The following EYA3 variants were observed in gnomAD, a reference collection of about 807,000 sequenced individuals.
EYA3 encodes the protein EYA transcriptional coactivator and phosphatase 3.
In EYA3, 39 loss-of-function variants were observed where a neutral mutation model predicts 80.0. The observed-to-expected ratio is 0.49, with a 90% CI of 0.38 to 0.64. The LOEUF is 0.64. Among genes scored for constraint, EYA3 ranks in the 30% least tolerant of loss-of-function variants. EYA3 has a pLI of 0.00. For synonymous variants in EYA3, 206 were observed against 232.8 expected (o/e 0.88, Z 1.05); for missense variants, 523 against 676.1 (o/e 0.77, Z 2.51).
chr1:27,980,725 G>A lies in EYA3; in HGVS notation c.1541-2251C>T, dbSNP rs12130736. 9.2e-3 allele frequency among the ~76,000 whole-genome samples: 1,401 copies of A among 152,308 alleles called. 10 individuals are homozygous for A. Among genetic ancestry groups the A allele is most frequent in the African/African-American group, 0.017 (702 of 41,572 alleles). On this transcript the variant is annotated intron_variant, in intron 16 of 17. Coordinates refer to ENST00000373871, the MANE Select transcript of EYA3 (RefSeq NM_001990.4). ...TCAGCCAAATCTTTGGAGAATATTA[G>A]TCCCTGGGTTTTCTCTATTAAAATA...
chr1:27,999,422 CTG>C (rs1281141685), intron 12 of EYA3, among the ~76,000 whole-genome samples: 2 of 152,124 alleles, frequency 1.3e-5, no homozygotes, highest in Non-Finnish European at 2.9e-5. Context: ...TTAGTGTTTC[CTG>C]GTTTTTCTGG....
In EYA3 at chr1:28,022,957, C is replaced by A. The variant is rs537977509; in HGVS notation, c.499+4832G>T. The stretch of plus-strand genomic sequence containing the variant: ...GAAGCCCAAATCTTGGTTTTGAATA[C>A]CATTTTTTCCAATAAAAGGAACCAG... On this transcript the variant is annotated intron_variant, in intron 7 of 17. Coordinates refer to ENST00000373871, the MANE Select transcript of EYA3 (RefSeq NM_001990.4). Among the ~76,000 whole-genome samples, 112 of 151,908 alleles carry A rather than the reference C, an allele frequency of 7.4e-4. 1 individual carries two copies. Among genetic ancestry groups the A allele is most frequent in the South Asian group, 5.0e-3 (24 of 4,796 alleles).
intron 11 of EYA3, among the ~76,000 whole-genome samples, chr1:28,003,203 C>T (rs7552786): frequency 0.93 from 140,750 of 151,712 alleles, 66,134 homozygotes; most frequent in East Asian, 1. Context: ...CCAGGAGGCA[C>T]AGCTTGCAGT....
intron 14 of EYA3, among the ~76,000 whole-genome samples, chr1:27,990,968 A>T (rs1640018573): frequency 6.6e-6 from 1 of 151,944 alleles, no homozygotes; most frequent in Non-Finnish European, 1.5e-5. Context: ...ATAAATTTTT[A>T]GAAAAATCTT....
At chr1:28,069,125 G>A (rs1644933622) in intron 1 of EYA3, among the ~76,000 whole-genome samples, 1 of 151,610 alleles carries the variant, frequency 6.6e-6, no homozygotes, top group Non-Finnish European at 1.5e-5. Context: ...TAATTAAACA[G>A]GTAATTTTAT....
chr1:28,068,665 C>T (rs1356252792), intron 1 of EYA3, among the ~76,000 whole-genome samples: 4 of 151,874 alleles, frequency 2.6e-5, no homozygotes, highest in Non-Finnish European at 4.4e-5. Context: ...CCCTGACATT[C>T]TTTTTATGCT....
At chr1:27,987,605 C>T (rs920988729) in intron 16 of EYA3, among the ~76,000 whole-genome samples, 6 of 152,162 alleles carry the variant, frequency 3.9e-5, no homozygotes, top group African/African-American at 1.2e-4. Flanking sequence ...TATGCACCAC[C>T]GTGTCTATCA....
At chr1:28,045,529 C>T (rs1251722172) in intron 3 of EYA3, among the ~76,000 whole-genome samples, 1 of 152,106 alleles carries the variant, frequency 6.6e-6, no homozygotes, top group Non-Finnish European at 1.5e-5. Flanking sequence ...ATCCACTGGA[C>T]CAGTTCCTAA....
At chr1:28,059,135 T>C (rs914630246) in intron 1 of EYA3, among the ~76,000 whole-genome samples, 12 of 152,340 alleles carry the variant, frequency 7.9e-5, no homozygotes, top group African/African-American at 2.6e-4. Flanking sequence ...ACTCTACTTC[T>C]ATTACTCTGT....
intron 1 of EYA3, among the ~76,000 whole-genome samples, chr1:28,064,898 A>G (rs971095410): frequency 6.6e-6 from 1 of 152,248 alleles, no homozygotes; most frequent in Non-Finnish European, 1.5e-5. Flanking sequence ...TCAGAGATTT[A>G]AACAATTTGT....
At chr1:28,076,826 C>T (rs1455228255) in intron 1 of EYA3, among the ~76,000 whole-genome samples, 5 of 149,942 alleles carry the variant, frequency 3.3e-5, no homozygotes, top group Non-Finnish European at 7.4e-5. Flanking sequence ...CCTCAACCTC[C>T]GCCTCCAGGG....
At chr1:28,017,295 A>G in intron 7 of EYA3, 56 bp from the exon 8 acceptor site, 1 of 1,320,498 alleles carries the variant, frequency 7.6e-7, no homozygotes, top group Non-Finnish European at 1.1e-6. Flanking sequence ...AGGTTAGAAG[A>G]AACTGAAAAT....
At chr1:28,083,620 C>T (rs1171708254) in intron 1 of EYA3, among the ~76,000 whole-genome samples, 1 of 152,052 alleles carries the variant, frequency 6.6e-6, no homozygotes, top group Admixed American at 6.5e-5. Flanking sequence ...ATAGTAAGTG[C>T]TGTATAAAGT....
chr1:28,060,860 A>G (rs1247565293), intron 1 of EYA3, among the ~76,000 whole-genome samples: 1 of 152,136 alleles, frequency 6.6e-6, no homozygotes, highest in Non-Finnish European at 1.5e-5. Context: ...CTAAAAATAC[A>G]AAAATTAGCT....
chr1:28,081,530 C>A (rs143734211), intron 1 of EYA3, among the ~76,000 whole-genome samples: 2,076 of 152,164 alleles, frequency 0.014, 22 homozygotes, highest in Non-Finnish European at 0.019. Flanking sequence ...ATAATGTTCT[C>A]TAAAGTCTGA....
intron 7 of EYA3, among the ~76,000 whole-genome samples, chr1:28,020,472 A>C (rs1244522445): frequency 1.3e-5 from 2 of 152,182 alleles, no homozygotes; most frequent in Admixed American, 1.3e-4. Context: ...AAATAGTAAG[A>C]CAAAGTCCTG....
At chr1:27,999,841 C>T (rs946860005) in intron 12 of EYA3, 119 bp downstream of exon 12, 36 of 651,646 alleles carry the variant, frequency 5.5e-5, no homozygotes, top group Non-Finnish European at 8.2e-5. Context: ...TAGTGGCCAG[C>T]TGGCCTCTCC....
At position 28,017,228 on chromosome 1, in the gene EYA3, T is replaced by C. The variant is rs1162745941; in HGVS notation, c.511A>G (p.Asn171Asp). 1 of 1,613,662 alleles carries C rather than the reference T, an allele frequency of 6.2e-7. No homozygotes were observed. The highest frequency in any genetic ancestry group is 1.7e-5 in the Admixed American group (1 of 59,990). The change falls in exon 8 of 18, where the codon AAT (asparagine) becomes GAT (aspartate). Residue 171 changes from asparagine (N) to aspartate (D), a missense_variant. By Grantham distance (23) the Asn-to-Asp change is conservative. Coordinates refer to ENST00000373871, the MANE Select transcript of EYA3 (RefSeq NM_001990.4). ...YSYPIQASST[N>D]ASLISTSSTI... is the part of the protein sequence containing the mutation. Reference sequence around the variant, plus strand: ...GAAGAAGTAGATATCAGGCTGGCATTTGTGCTTGAAGCTAGAGGATTGATG... The same window carrying C: ...GAAGAAGTAGATATCAGGCTGGCATCTGTGCTTGAAGCTAGAGGATTGATG...
intron 1 of EYA3, among the ~76,000 whole-genome samples, chr1:28,088,251 G>A: frequency 6.6e-6 from 1 of 152,166 alleles, no homozygotes; most frequent in African/African-American, 2.4e-5. Flanking sequence ...AAGCGCTGAG[G>A]CGTAAGGCAA....
Sources: allele counts gnomAD v4.1 joint callset (sites outside exome capture counted in the v4.1 genomes callset), GRCh38; gene constraint gnomAD v4.1.1; transcripts MANE v1.5; gene names NCBI Gene and HGNC (gene_info 2026-07-23, HGNC 2026-07-21).